Variants in PHKB observed in about 807,000 individuals in gnomAD.
PHKB encodes phosphorylase kinase regulatory subunit beta, also known as phosphorylase b kinase regulatory subunit beta.
PHKB carries 122 observed loss-of-function variants against 152.1 expected under a neutral mutation model. That is an observed-to-expected ratio of 0.80 (90% CI 0.69 to 0.93). The LOEUF (loss-of-function observed/expected upper bound fraction) is 0.93, where lower values mean the gene tolerates loss of function less well. PHKB is among the 40% of genes least tolerant of loss of function. The pLI is 0.00. For synonymous variants in PHKB, 436 were observed against 464.9 expected (o/e 0.94, Z 0.80); for missense variants, 1,304 against 1,328.4 (o/e 0.98, Z 0.29).
intron 6 of PHKB, among the ~76,000 whole-genome samples, chr16:47,528,886 G>C (rs766480815): frequency 5.3e-4 from 81 of 151,678 alleles, no homozygotes; most frequent in African/African-American, 1.7e-3. Flanking sequence ...AGTAGAGATG[G>C]GGTTTCACCA....
At chr16:47,652,869 C>G (rs140203581) in intron 20 of PHKB, among the ~76,000 whole-genome samples, 1 of 152,166 alleles carries the variant, frequency 6.6e-6, no homozygotes, top group Admixed American at 6.5e-5. Flanking sequence ...TCTCAAACTC[C>G]TGGGCTCAAG....
At position 47,699,375 on chromosome 16, in the gene PHKB, G is replaced by T; in HGVS notation, c.*9G>T. 6.2e-7 allele frequency: 1 copy of T among 1,614,072 alleles called. No individual in the cohort carries two copies. The highest frequency in any genetic ancestry group is 1.1e-5 in the South Asian group (1 of 91,080). ...CGTGTCTGATTAGCTAGTGGGGAAG[G>T]TGTAGGAAGCTCTGTTGAGACACAT... On this transcript the variant is annotated 3_prime_UTR_variant, in exon 31 of 31. Coordinates refer to ENST00000323584, the MANE Select transcript of PHKB (RefSeq NM_000293.3).
intron 8 of PHKB, among the ~76,000 whole-genome samples, chr16:47,585,775 A>G (rs1430947076): frequency 6.6e-6 from 1 of 152,238 alleles, no homozygotes; most frequent in Non-Finnish European, 1.5e-5. Flanking sequence ...CAAATAAGCC[A>G]TTTATTTACG....
At chr16:47,598,596 A>G in intron 13 of PHKB, 1 of 1,014,634 alleles carries the variant, frequency 9.9e-7, no homozygotes, top group South Asian at 1.4e-5. Flanking sequence ...CGCCCTCGAT[A>G]TAGCAGAATA....
intron 2 of PHKB, among the ~76,000 whole-genome samples, chr16:47,498,449 G>A (rs192457532): frequency 1.9e-4 from 29 of 152,070 alleles, no homozygotes; most frequent in Non-Finnish European, 2.6e-4. Context: ...AGGCTGAGGC[G>A]GGTGGATCAC....
In PHKB at chr16:47,682,652, T is replaced by A. The variant is rs563472694; in HGVS notation, c.2631-6389T>A. 3.9e-5 allele frequency among the ~76,000 whole-genome samples: 6 copies of A among 152,336 alleles called. No homozygotes were observed. In the South Asian group the frequency reaches 1.2e-3, roughly 32 times the overall value. ...GACTTCTCTGCGTTGGTTATTCTAG[T>A]TATCCATTCGTCTAATCTTTTTTCA... On this transcript the variant is annotated intron_variant, in intron 26 of 30. Coordinates refer to ENST00000323584, the MANE Select transcript of PHKB (RefSeq NM_000293.3).
chr16:47,626,181 G>T (rs2151717754), intron 14 of PHKB, among the ~76,000 whole-genome samples: 1 of 152,338 alleles, frequency 6.6e-6, no homozygotes, highest in South Asian at 2.1e-4. Flanking sequence ...TGCAAAGAGT[G>T]ATGGTGGAGT....
At chr16:47,616,102 T>G (rs1227535030) in intron 14 of PHKB, among the ~76,000 whole-genome samples, 1 of 152,188 alleles carries the variant, frequency 6.6e-6, no homozygotes, top group Non-Finnish European at 1.5e-5. Context: ...TGCAAATATT[T>G]TCTCCCATTC....
At chr16:47,497,332 T>C (rs1970248895) in intron 1 of PHKB, 67 bp from the exon 2 acceptor site, 3 of 965,478 alleles carry the variant, frequency 3.1e-6, no homozygotes, top group South Asian at 1.4e-5. Flanking sequence ...TTCATTTGTT[T>C]AGAGTTTTTC....
At chr16:47,596,285 C>G (rs1401182076) in intron 12 of PHKB, 88 bp from the exon 13 acceptor site, 2 of 921,740 alleles carry the variant, frequency 2.2e-6, no homozygotes, top group Non-Finnish European at 3.4e-6. Flanking sequence ...TATAAATTAC[C>G]CAGTCTTGGG....
rs535548480 is a variant in PHKB, at chr16:47,517,504, A to G, written c.594+1903A>G. Among the ~76,000 whole-genome samples, 18 of 152,118 alleles carry G rather than the reference A, an allele frequency of 1.2e-4. No homozygotes were observed. The South Asian group carries it at 3.3e-3, about 28-fold the overall frequency. On this transcript the variant is annotated intron_variant, in intron 6 of 30. Transcript: ENST00000323584. ...TCTCCTGGGCTCAAGCAATCAGCCC[A>G]CCTCAGTCTCCTAAAGTACTGGGAT...
intron 10 of PHKB, among the ~76,000 whole-genome samples, chr16:47,589,903 G>A (rs1052943259): frequency 6.6e-6 from 1 of 152,178 alleles, no homozygotes; most frequent in African/African-American, 2.4e-5. Context: ...TCCTGCCTCA[G>A]CTTCCTGAGT....
At chr16:47,639,730 A>G (rs1278962847) in intron 14 of PHKB, among the ~76,000 whole-genome samples, 1 of 152,164 alleles carries the variant, frequency 6.6e-6, no homozygotes, top group East Asian at 1.9e-4. Flanking sequence ...TATCATCTGT[A>G]TTCTGTATGT....
chr16:47,660,498 C>T lies in PHKB; in HGVS notation c.1972-8C>T, dbSNP rs759445171. 16 of 1,610,562 alleles carry T rather than the reference C, an allele frequency of 9.9e-6. No individual in the cohort carries two copies. Among genetic ancestry groups the T allele is most frequent in the East Asian group, 8.9e-5 (4 of 44,856 alleles). On this transcript the variant is annotated splice_region_variant and splice_polypyrimidine_tract_variant and intron_variant, in intron 20 of 30. Coordinates refer to ENST00000323584, the MANE Select transcript of PHKB (RefSeq NM_000293.3). ...AAGAGTTTCTAATCTTTTTCGATCA[C>T]GTTTCAGACACTAATATCTGGAGCT...
At chr16:47,533,932 G>T (rs1970907174) in intron 6 of PHKB, among the ~76,000 whole-genome samples, 1 of 152,072 alleles carries the variant, frequency 6.6e-6, no homozygotes, top group African/African-American at 2.4e-5. Context: ...GGAGCAGGAG[G>T]CCTGGGCCCA....
intron 7 of PHKB, among the ~76,000 whole-genome samples, chr16:47,552,014 T>C (rs1341678270): frequency 6.6e-6 from 1 of 152,216 alleles, no homozygotes; most frequent in East Asian, 1.9e-4. Flanking sequence ...AAGTCTGTTT[T>C]ATCAGAGACT....
At chr16:47,626,842 T>TA (rs1424231190) in intron 14 of PHKB, among the ~76,000 whole-genome samples, 1 of 152,190 alleles carries the variant, frequency 6.6e-6, no homozygotes, top group Non-Finnish European at 1.5e-5. Context: ...GTCCTGCCAC[T>TA]AGTCTCTCTC....
intron 14 of PHKB, among the ~76,000 whole-genome samples, chr16:47,625,447 C>T (rs1185061645): frequency 3.3e-5 from 5 of 152,166 alleles, no homozygotes; most frequent in Non-Finnish European, 5.9e-5. Context: ...CCACCCTTAT[C>T]TCTTGTCACT....
chr16:47,695,384 G>A (rs1216095839), intron 28 of PHKB, among the ~76,000 whole-genome samples: 1 of 152,132 alleles, frequency 6.6e-6, no homozygotes, highest in Non-Finnish European at 1.5e-5. Context: ...TAGCAATGGG[G>A]CTTTATTTTC....
Sources: gnomAD v4.1 joint callset for allele counts (sites outside exome capture counted in the v4.1 genomes callset) on GRCh38, gnomAD v4.1.1 for gene constraint, MANE v1.5 for transcripts, NCBI Gene and HGNC (gene_info 2026-07-23, HGNC 2026-07-21) for gene names.